The following SEZ6L variants were observed in gnomAD, a reference collection of about 807,000 sequenced individuals.
The protein encoded by SEZ6L is seizure related 6 homolog like, also known as seizure 6-like protein.
Under a neutral mutation model 106.2 loss-of-function variants are expected in SEZ6L, and 37 were observed. That is an observed-to-expected ratio of 0.35 (90% CI 0.27 to 0.46). SEZ6L has a LOEUF of 0.46. SEZ6L is among the 20% of genes least tolerant of loss of function. The pLI is 1.00. For synonymous variants in SEZ6L, 541 were observed against 570.4 expected, an observed-to-expected ratio of 0.95 and a Z score of 0.73; for missense variants, 1,172 against 1,332.8, an observed-to-expected ratio of 0.88 and a Z score of 1.88.
intron 1 of SEZ6L, among the ~76,000 whole-genome samples, chr22:26,182,664 C>A (rs569065463): frequency 3.8e-4 from 58 of 152,050 alleles, no homozygotes; most frequent in Admixed American, 1.3e-4. Context: ...ATTTTATGAT[C>A]CCCATAGAGA....
rs773810806 is a variant in SEZ6L, at chr22:26,299,041, T to C, written c.1220T>C (p.Met407Thr). The C allele has an allele frequency of 6.2e-7, 1 of 1,605,966 alleles. No individual in the cohort carries two copies. ...CCTGACTCTGGGGATGTCACGGTGA[T>C]GGACCTGCACTCAGGTGGGGTGGCC... ...RRPDSGDVTV[M>T]DLHSGGVAHF... is the part of the protein sequence containing the mutation. The change falls in exon 5 of 17, where the codon ATG becomes ACG. Residue 407 changes from methionine (M) to threonine (T), a missense_variant. Physicochemically the swap from Met to Thr is moderately conservative, Grantham distance 81. This residue lies in a region of SEZ6L where 534 missense variants were observed against 691.0 expected (regional missense o/e 0.77). Coordinates refer to ENST00000248933, the MANE Select transcript of SEZ6L (RefSeq NM_021115.5).
chr22:26,196,853 C>G (rs555042150), intron 1 of SEZ6L, among the ~76,000 whole-genome samples: 1 of 152,250 alleles, frequency 6.6e-6, no homozygotes, highest in East Asian at 1.9e-4. Context: ...GGACGTCTCC[C>G]AGGTTACTGC....
At chr22:26,317,962 G>A (rs543130664) in intron 9 of SEZ6L, among the ~76,000 whole-genome samples, 9 of 152,158 alleles carry the variant, frequency 5.9e-5, no homozygotes, top group South Asian at 4.2e-4. Flanking sequence ...CACAAATACC[G>A]GAATTAGAGC....
chr22:26,206,067 G>A (rs971275992), intron 1 of SEZ6L, among the ~76,000 whole-genome samples: 1 of 152,122 alleles, frequency 6.6e-6, no homozygotes, highest in African/African-American at 2.4e-5. Flanking sequence ...TAGAATAAAT[G>A]TGCAACTCCT....
chr22:26,290,856 G>A (rs894597628), intron 1 of SEZ6L, among the ~76,000 whole-genome samples: 3 of 152,158 alleles, frequency 2.0e-5, no homozygotes, highest in Non-Finnish European at 4.4e-5. Context: ...TCTTCACACA[G>A]TCCTCTGTTC....
chr22:26,294,310 T>C lies in SEZ6L; in HGVS notation c.854T>C (p.Phe285Ser). The change falls in exon 3 of 17, where the codon TTC becomes TCC. Residue 285 changes from phenylalanine (F) to serine (S), a missense_variant. By Grantham distance (155) the Phe-to-Ser change is radical (BLOSUM62 -2). Around this residue, in one of 4 missense-constraint regions of SEZ6L, gnomAD observed 494 missense variants for 445.8 expected, o/e 1.11. Coordinates refer to ENST00000248933, the MANE Select transcript of SEZ6L (RefSeq NM_021115.5). ...EQAPALCSVS[F>S]SNPEGYIDSS... ...CTTCCAGCTCTCTGCAGTGTGAGCT[T>C]CTCCAATCCTGAGGGGTACATTGAC... 1.9e-6 allele frequency: 3 copies of C among 1,614,054 alleles called. No individual in the cohort carries two copies. The highest frequency in any genetic ancestry group is 2.5e-6 in the Non-Finnish European group (3 of 1,180,006).
chr22:26,346,820 A>G (rs569544455), intron 10 of SEZ6L, among the ~76,000 whole-genome samples: 3 of 152,252 alleles, frequency 2.0e-5, no homozygotes, highest in South Asian at 2.1e-4. Context: ...GAGAAACTCA[A>G]TGTTGTTATG....
intron 7 of SEZ6L, among the ~76,000 whole-genome samples, chr22:26,311,477 C>T (rs1489620224): frequency 6.6e-6 from 1 of 152,176 alleles, no homozygotes. Context: ...AGTTACGGGC[C>T]ATGGGAAGGA....
chr22:26,262,916 A>G (rs1381398359), intron 1 of SEZ6L, among the ~76,000 whole-genome samples: 1 of 152,228 alleles, frequency 6.6e-6, no homozygotes, highest in Admixed American at 6.5e-5. Context: ...TTCAATTCAC[A>G]AAATTACTAA....
At chr22:26,296,118 C>G (rs1429757450) in intron 3 of SEZ6L, among the ~76,000 whole-genome samples, 1 of 152,150 alleles carries the variant, frequency 6.6e-6, no homozygotes, top group Non-Finnish European at 1.5e-5. Flanking sequence ...CTAAATTCTC[C>G]CTTACACACA....
chr22:26,361,869 T>A (rs2083647428), intron 12 of SEZ6L, among the ~76,000 whole-genome samples: 1 of 152,144 alleles, frequency 6.6e-6, no homozygotes, highest in Non-Finnish European at 1.5e-5. Flanking sequence ...ACCTACCCTG[T>A]ACCAGGTTGC....
intron 1 of SEZ6L, among the ~76,000 whole-genome samples, chr22:26,263,280 C>A (rs2080075837): frequency 6.6e-6 from 1 of 152,238 alleles, no homozygotes; most frequent in Non-Finnish European, 1.5e-5. Context: ...CTTCTCTGAG[C>A]CTTCTTGTCG....
Position 26,381,691 on chromosome 22 carries a change from A to T in SEZ6L, c.*1396A>T, listed in dbSNP as rs2084414935. 6.1e-6 allele frequency: 1 copy of T among 164,918 alleles called. No individual in the cohort carries two copies. The highest frequency in any genetic ancestry group is 6.0e-5 in the Admixed American group (1 of 16,576). The allele number at this position is 164,918 out of a possible 1,614,324, so 10.2% of individuals were successfully genotyped here. On this transcript the variant is annotated 3_prime_UTR_variant, in exon 17 of 17. Transcript: ENST00000248933. ...CGGTGAGTGTGTAACTCTTGGGAAG[A>T]TTCTTTTCTAAATACAGGTATAAAG...
intron 15 of SEZ6L, among the ~76,000 whole-genome samples, chr22:26,376,662 T>A (rs2084235927): frequency 6.6e-6 from 1 of 152,022 alleles, no homozygotes; most frequent in African/African-American, 2.4e-5. Flanking sequence ...GGCAGGAGAA[T>A]CACTTGAACC....
chr22:26,187,448 G>C lies in SEZ6L; in HGVS notation c.94+17685G>C, dbSNP rs111848512. 5.3e-3 allele frequency among the ~76,000 whole-genome samples: 810 copies of C among 152,322 alleles called. 9 individuals carry two copies. Among genetic ancestry groups the C allele is most frequent in the Middle Eastern group, 0.014 (4 of 294 alleles). Reference sequence around the variant, plus strand: ...CATTCCACCAAGCCCACTGCTCCTGGTGCAATTTCTCTTCAATTGCAATGG... The same window carrying C: ...CATTCCACCAAGCCCACTGCTCCTGCTGCAATTTCTCTTCAATTGCAATGG... On this transcript the variant is annotated intron_variant, in intron 1 of 16. Transcript: ENST00000248933.
At chr22:26,272,160 C>A (rs181626096) in intron 1 of SEZ6L, among the ~76,000 whole-genome samples, 4 of 152,156 alleles carry the variant, frequency 2.6e-5, no homozygotes, top group African/African-American at 4.8e-5. Context: ...ATACAGGTTA[C>A]CCTTGAAGAG....
At chr22:26,266,674 C>T (rs974077762) in intron 1 of SEZ6L, among the ~76,000 whole-genome samples, 8 of 152,068 alleles carry the variant, frequency 5.3e-5, no homozygotes, top group African/African-American at 2.4e-5. Flanking sequence ...GTCCCCATAG[C>T]TCTCATCCTG....
intron 13 of SEZ6L, among the ~76,000 whole-genome samples, chr22:26,366,637 G>A: frequency 6.6e-6 from 1 of 152,012 alleles, no homozygotes; most frequent in Non-Finnish European, 1.5e-5. Context: ...GATCCCAGGA[G>A]ACAGAGGTTG....
Position 26,348,566 on chromosome 22 carries a change from GAAAGAAAGAAAGAAAGAAA to G in SEZ6L, c.2407+654_2407+672del, listed in dbSNP as rs2083095464. ...GGAAGGAAGGAAGGAAGGAAGGGAG[GAAAGAAAGAAAGAAAGAAA>G]GAGAAAGAAAGAAAGAAAGAAAGAG... is the stretch of plus-strand genomic sequence containing the variant. On this transcript the variant is annotated intron_variant, in intron 11 of 16. Coordinates refer to ENST00000248933, the MANE Select transcript of SEZ6L (RefSeq NM_021115.5). 1.1e-4 allele frequency among the ~76,000 whole-genome samples: 6 copies of G among 52,876 alleles called. 1 individual carries two copies. Among genetic ancestry groups the G allele is most frequent in the African/African-American group, 5.6e-4 (6 of 10,756 alleles). The allele number at this position is 52,876 out of a possible 152,430, so 34.7% of individuals were successfully genotyped here.
Sources: gnomAD v4.1 joint callset for allele counts (sites outside exome capture counted in the v4.1 genomes callset) on GRCh38, gnomAD v4.1.1 for gene constraint, gnomAD v4.1.1 regional missense constraint, MANE v1.5 for transcripts, NCBI Gene and HGNC (gene_info 2026-07-23, HGNC 2026-07-21) for gene names.